SPARCL1: variants seen among roughly 807,000 people sequenced by gnomAD.
The protein encoded by SPARCL1 is SPARC like 1.
A neutral mutation model predicts 67.1 loss-of-function variants in SPARCL1; 52 were observed. The ratio of observed to expected loss-of-function variants is 0.78; its 90% CI spans 0.62 to 0.98. The LOEUF is 0.98. Ranked by LOEUF, SPARCL1 falls within the 50% of genes least tolerant of loss-of-function variation. SPARCL1 has a pLI of 0.00. For missense variants in SPARCL1, 717 were observed against 782.4 expected (o/e 0.92, Z 1.00); for synonymous variants, 226 against 267.8 (o/e 0.84, Z 1.52).
intron 2 of SPARCL1, 37 bp from the exon 3 acceptor site, chr4:87,495,164 C>A: frequency 1.9e-6 from 3 of 1,573,676 alleles, no homozygotes; most frequent in Non-Finnish European, 2.6e-6. Context: ...TTATTCATGT[C>A]TGGATGCTAA....
At chr4:87,524,911 C>G (rs1276791848) in intron 1 of SPARCL1, among the ~76,000 whole-genome samples, 2 of 152,072 alleles carry the variant, frequency 1.3e-5, no homozygotes, top group Non-Finnish European at 2.9e-5. Context: ...ACCTGTAATC[C>G]CAGCACCTTG....
chr4:87,490,527 G>A (rs1266693861), intron 6 of SPARCL1, 134 bp from the exon 7 acceptor site: 22 of 1,090,998 alleles, frequency 2.0e-5, no homozygotes, highest in South Asian at 5.0e-5. Context: ...TATTAAAATC[G>A]TAATTGTTCC....
At chr4:87,497,130 C>T (rs1233896724) in intron 2 of SPARCL1, 4 of 772,230 alleles carry the variant, frequency 5.2e-6, no homozygotes, top group East Asian at 1.3e-4. Context: ...GATCTGCCCA[C>T]CTTGGCCTCC....
intron 1 of SPARCL1, among the ~76,000 whole-genome samples, chr4:87,514,658 A>G (rs1176202889): frequency 6.6e-6 from 1 of 152,306 alleles, no homozygotes; most frequent in Middle Eastern, 3.4e-3. Flanking sequence ...TGTCCTTTAG[A>G]CTAGTCACTG....
At chr4:87,504,185 T>TGTGGG (rs1553970328) in intron 1 of SPARCL1, among the ~76,000 whole-genome samples, 877 of 17,928 alleles carry the variant, frequency 0.049, no homozygotes, top group Non-Finnish European at 0.062. Context: ...GTGTGTGTGG[T>TGTGGG]GGGGTGGGGG....
chr4:87,478,661 C>T (rs2110210973), intron 10 of SPARCL1, among the ~76,000 whole-genome samples: 1 of 152,196 alleles, frequency 6.6e-6, no homozygotes, highest in East Asian at 1.9e-4. Context: ...TAGTCTCTAA[C>T]TCCTGACCTC....
intron 7 of SPARCL1, 58 bp downstream of exon 7, chr4:87,490,215 C>A: frequency 6.6e-7 from 1 of 1,521,252 alleles, no homozygotes; most frequent in Admixed American, 2.2e-5. Flanking sequence ...TCAGGCATGT[C>A]CAGATTCACC....
chr4:87,486,112 T>C (rs1724046944), intron 7 of SPARCL1, among the ~76,000 whole-genome samples: 1 of 152,188 alleles, frequency 6.6e-6, no homozygotes, highest in Admixed American at 6.5e-5. Flanking sequence ...TGCTAGCTTT[T>C]GAATGTGTTT....
At chr4:87,520,291 G>T (rs570310458) in intron 1 of SPARCL1, among the ~76,000 whole-genome samples, 1 of 150,618 alleles carries the variant, frequency 6.6e-6, no homozygotes, top group Admixed American at 6.6e-5. Context: ...ATTATGGGAG[G>T]ATATTGGCCT....
intron 1 of SPARCL1, among the ~76,000 whole-genome samples, chr4:87,521,227 G>A (rs1452759064): frequency 6.6e-6 from 1 of 152,080 alleles, no homozygotes; most frequent in East Asian, 1.9e-4. Context: ...TATTTTTGAA[G>A]TTCTGTATAT....
Position 87,482,417 on chromosome 4 carries a change from AACTT to A in SPARCL1, c.1668+3_1668+6del. ...ACATTGAAGAAGCTAACCTGTGGAT[AACTT>A]ACTTTATTTCTCTGCTTCTCATTTA... On this transcript the variant is annotated splice_donor_5th_base_variant and intron_variant, in intron 8 of 10. Transcript: ENST00000282470. 1 of 1,612,704 alleles carries A rather than the reference AACTT, an allele frequency of 6.2e-7. No homozygotes were observed. The highest frequency in any genetic ancestry group is 8.5e-7 in the Non-Finnish European group (1 of 1,179,770).
At chr4:87,505,431 A>G (rs897981558) in intron 1 of SPARCL1, among the ~76,000 whole-genome samples, 1 of 152,158 alleles carries the variant, frequency 6.6e-6, no homozygotes, top group Non-Finnish European at 1.5e-5. Flanking sequence ...TGCTAATTGT[A>G]AAGAATCATT....
At chr4:87,479,316 T>C (rs1450208328) in intron 10 of SPARCL1, 114 bp downstream of exon 10, 2 of 1,183,908 alleles carry the variant, frequency 1.7e-6, no homozygotes, top group South Asian at 3.0e-5. Context: ...TGCCACCTTT[T>C]TTTTTCTAGC....
At position 87,494,460 on chromosome 4, in the gene SPARCL1, C is replaced by T; in HGVS notation, c.340G>A (p.Ala114Thr). 1 of 1,614,128 alleles carries T rather than the reference C, an allele frequency of 6.2e-7. No homozygotes were observed. Among genetic ancestry groups the T allele is most frequent in the Non-Finnish European group, 8.5e-7 (1 of 1,180,000 alleles). ...DGHLSVNLEY[A>T]PTEGTLDIKE... Reference sequence around the variant, plus strand: ...ATGTCCAATGTACCTTCAGTTGGTGCATACTCCAAATTCACACTTAAGTGA... The same window carrying T: ...ATGTCCAATGTACCTTCAGTTGGTGTATACTCCAAATTCACACTTAAGTGA... Residue 114 changes from alanine (A) to threonine (T), a missense_variant, in exon 4 of 11, where the codon GCA becomes ACA. By Grantham distance (58) the Ala-to-Thr change is moderately conservative (BLOSUM62 0). Transcript: ENST00000282470.
intron 1 of SPARCL1, among the ~76,000 whole-genome samples, chr4:87,514,793 A>T (rs1195809505): frequency 6.6e-6 from 1 of 152,238 alleles, no homozygotes; most frequent in Non-Finnish European, 1.5e-5. Context: ...GACAGAATGG[A>T]GAACTTTCCT....
chr4:87,503,933 G>T (rs1439888930), intron 1 of SPARCL1, among the ~76,000 whole-genome samples: 1 of 151,936 alleles, frequency 6.6e-6, no homozygotes, highest in African/African-American at 2.4e-5. Flanking sequence ...ACCTGCCTCG[G>T]CCTCTCAAAC....
At chr4:87,474,902 C>G (rs1260947428) in intron 10 of SPARCL1, among the ~76,000 whole-genome samples, 1 of 152,058 alleles carries the variant, frequency 6.6e-6, no homozygotes, top group Non-Finnish European at 1.5e-5. Context: ...GCCACCACGC[C>G]CGGCTAATTT....
chr4:87,527,817 T>A (rs1243405792), intron 1 of SPARCL1, among the ~76,000 whole-genome samples: 8 of 152,108 alleles, frequency 5.3e-5, no homozygotes, highest in Admixed American at 5.2e-4. Context: ...TAGATCTTAT[T>A]AAATGAACAG....
chr4:87,524,869 C>T (rs1427912581), intron 1 of SPARCL1, among the ~76,000 whole-genome samples: 1 of 152,030 alleles, frequency 6.6e-6, no homozygotes, highest in African/African-American at 2.4e-5. Flanking sequence ...TTTAGTTAAT[C>T]ATACAATGAT....
Sources: allele counts gnomAD v4.1 joint callset (sites outside exome capture counted in the v4.1 genomes callset), GRCh38; gene constraint gnomAD v4.1.1; transcripts MANE v1.5; gene names NCBI Gene and HGNC (gene_info 2026-07-23, HGNC 2026-07-21).